Variants in CAMKK2 observed in about 807,000 individuals in gnomAD.
The protein encoded by CAMKK2 is calcium/calmodulin dependent protein kinase kinase 2.
A neutral mutation model predicts 67.2 loss-of-function variants in CAMKK2; 30 were observed. The observed-to-expected ratio is 0.45, with a 90% CI of 0.33 to 0.61. The LOEUF (loss-of-function observed/expected upper bound fraction) is 0.61, where lower values mean the gene tolerates loss of function less well. Among genes scored for constraint, CAMKK2 ranks in the 20% least tolerant of loss-of-function variants. The pLI, the probability that CAMKK2 is intolerant of heterozygous loss-of-function variation, is 0.02. For synonymous variants in CAMKK2, 322 were observed against 326.2 expected, an observed-to-expected ratio of 0.99 and a Z score of 0.14; for missense variants, 643 against 802.0, an observed-to-expected ratio of 0.80 and a Z score of 2.39.
chr12:121,261,907 C>T (rs2136310991), intron 6 of CAMKK2, among the ~76,000 whole-genome samples: 1 of 152,362 alleles, frequency 6.6e-6, no homozygotes, highest in Non-Finnish European at 1.5e-5. Context: ...AGCACGGTGA[C>T]AAGTCCTTGT....
At chr12:121,248,807 CA>C in intron 13 of CAMKK2, 73 bp from the exon 14 acceptor site, 1 of 1,576,448 alleles carries the variant, frequency 6.3e-7, no homozygotes, top group Non-Finnish European at 8.7e-7. Flanking sequence ...CGAGCGGAGC[CA>C]CAAGGGCATG....
chr12:121,248,505 C>A, intron 14 of CAMKK2, 101 bp downstream of exon 14: 2 of 1,408,448 alleles, frequency 1.4e-6, no homozygotes, highest in South Asian at 1.2e-5. Flanking sequence ...GGCCCCCGGA[C>A]ATCTGACTCC....
chr12:121,250,704 T>C lies in CAMKK2; in HGVS notation c.1162-670A>G, dbSNP rs1452467050. 2.0e-5 allele frequency among the ~76,000 whole-genome samples: 3 copies of C among 152,182 alleles called. No homozygotes were observed. The East Asian group carries it at 5.8e-4, about 29-fold the overall frequency. ...TGTTTAACCCCTCCCACGGGAACGTTAGCTCCAAGAAGGCAGGGATTTCTG... is the reference window on the plus strand; with the variant it reads ...TGTTTAACCCCTCCCACGGGAACGTCAGCTCCAAGAAGGCAGGGATTTCTG... On this transcript the variant is annotated intron_variant, in intron 11 of 16. Transcript: ENST00000404169.
chr12:121,254,391 G>C (rs1891431203), intron 9 of CAMKK2, among the ~76,000 whole-genome samples: 1 of 152,128 alleles, frequency 6.6e-6, no homozygotes, highest in Admixed American at 6.5e-5. Flanking sequence ...CCAGGAGGCA[G>C]AGGTTGCAGT....
At chr12:121,283,210 C>A (rs541384155) in intron 1 of CAMKK2, among the ~76,000 whole-genome samples, 3 of 152,282 alleles carry the variant, frequency 2.0e-5, no homozygotes, top group Non-Finnish European at 2.9e-5. Context: ...TAGCGGGAGA[C>A]CTGAGAGGCT....
chr12:121,261,504 G>A (rs1191999960), intron 6 of CAMKK2, among the ~76,000 whole-genome samples: 3 of 152,212 alleles, frequency 2.0e-5, no homozygotes, highest in Admixed American at 6.5e-5. Flanking sequence ...CATCACGTCC[G>A]CTTTCTCCAG....
At position 121,274,122 on chromosome 12, in the gene CAMKK2, C is replaced by A; in HGVS notation, c.405G>T (p.Gln135His). The A allele has an allele frequency of 6.4e-7, 1 of 1,568,070 alleles. No individual in the cohort carries two copies. Among genetic ancestry groups the A allele is most frequent in the Non-Finnish European group, 8.7e-7 (1 of 1,155,412 alleles). ...SLPYSPVSSP[Q>H]SSPRLPRRPT... ...GCCGCCGGGGCAGCCGAGGCGAGGACTGCGGGGAGCTGACGGGTGAGTAGG... is the reference window on the plus strand; with the variant it reads ...GCCGCCGGGGCAGCCGAGGCGAGGAATGCGGGGAGCTGACGGGTGAGTAGG... The change falls in exon 2 of 17, where the codon CAG becomes CAT. Residue 135 changes from glutamine (Q) to histidine (H), a missense_variant. By Grantham distance (24) the Gln-to-His change is conservative. Transcript: ENST00000404169.
In CAMKK2 at chr12:121,245,274, C is replaced by G; in HGVS notation, c.1453-34G>C. 2 of 1,410,154 alleles carry G rather than the reference C, an allele frequency of 1.4e-6. No homozygotes were observed. The highest frequency in any genetic ancestry group is 2.0e-6 in the Non-Finnish European group (2 of 1,010,796). The allele number at this position is 1,410,154 out of a possible 1,614,324, so 87.4% of individuals were successfully genotyped here. A position where few individuals can be genotyped will look rare whatever the true frequency, so the allele number is the denominator to read the frequency against. ...GGAGAAAAGAGGAGGTGGCAGGCAA[C>G]TGCTTGGCCATGTGGGGGCGATTCT... On this transcript the variant is annotated intron_variant, in intron 14 of 16. Coordinates refer to ENST00000404169, the MANE Select transcript of CAMKK2 (RefSeq NM_001270485.2). The surrounding 1 kb of genome is among the most constrained non-coding windows in gnomAD (Gnocchi z 5.8).
chr12:121,282,678 G>A (rs529671343), intron 1 of CAMKK2, among the ~76,000 whole-genome samples: 1 of 152,236 alleles, frequency 6.6e-6, no homozygotes, highest in South Asian at 2.1e-4. Flanking sequence ...CCTTCAGAAG[G>A]GACGAACCCT....
In CAMKK2 at chr12:121,250,184, G is replaced by A. The variant is rs1344772432; in HGVS notation, c.1162-150C>T. The A allele has an allele frequency of 3.4e-5, 23 of 683,432 alleles. No homozygotes were observed. The East Asian group carries it at 3.6e-4, about 11-fold the overall frequency. 42.3% of individuals were successfully genotyped at this position (683,432 alleles called of 1,614,324 possible). On this transcript the variant is annotated intron_variant, in intron 11 of 16. Coordinates refer to ENST00000404169, the MANE Select transcript of CAMKK2 (RefSeq NM_001270485.2). ...GGGGCAAGCAGTTCCCATTCTCCCC[G>A]AGAATGGCCAAGACACAGGGGTGTG...
intron 2 of CAMKK2, 67 bp downstream of exon 2, chr12:121,273,989 G>A: frequency 8.5e-7 from 1 of 1,174,332 alleles, no homozygotes; most frequent in South Asian, 1.7e-5. Context: ...CTTCCACAGA[G>A]GCCCTGCTGG....
At chr12:121,269,756 A>C in intron 3 of CAMKK2, 175 bp from the exon 4 acceptor site, 1 of 612,714 alleles carries the variant, frequency 1.6e-6, no homozygotes, top group Non-Finnish European at 2.9e-6. Flanking sequence ...ATTTAAAAAC[A>C]GAAAGATCTG....
At chr12:121,292,992 A>G (rs1230965143) in intron 1 of CAMKK2, among the ~76,000 whole-genome samples, 1 of 151,590 alleles carries the variant, frequency 6.6e-6, no homozygotes, top group Non-Finnish European at 1.5e-5. Flanking sequence ...AAAGAAAAAA[A>G]AAGCTGGGCG....
chr12:121,255,559 T>C lies in CAMKK2; in HGVS notation c.898A>G (p.Ile300Val). ...RFYFQDLIKGIEYLHYQKIIH... is the reference protein window; with the variant it reads ...RFYFQDLIKGVEYLHYQKIIH... ...CGCAGGCCCTGCTCACAGTACTCGA[T>C]GCCTTTGATCAGATCCTGGAAGTAG... is the stretch of plus-strand genomic sequence containing the variant. The change falls in exon 9 of 17, where the codon ATC (isoleucine) becomes GTC (valine). Residue 300 changes from isoleucine (I) to valine (V), a missense_variant. Around this residue, in one of 3 missense-constraint regions of CAMKK2, gnomAD observed 483 missense variants for 625.8 expected, o/e 0.77. Transcript: ENST00000404169. 3 of 1,610,932 alleles carry C rather than the reference T, an allele frequency of 1.9e-6. No homozygotes were observed. The highest frequency in any genetic ancestry group is 3.3e-4 in the Middle Eastern group (2 of 6,056).
At chr12:121,254,787 A>C (rs2136233982) in intron 9 of CAMKK2, among the ~76,000 whole-genome samples, 1 of 152,300 alleles carries the variant, frequency 6.6e-6, no homozygotes, top group African/African-American at 2.4e-5. Context: ...GGCTCTCTGC[A>C]GCTGGCCCTG....
At chr12:121,272,379 A>G (rs915030353) in intron 2 of CAMKK2, among the ~76,000 whole-genome samples, 1 of 152,200 alleles carries the variant, frequency 6.6e-6, no homozygotes, top group Non-Finnish European at 1.5e-5. Context: ...CACAACATGG[A>G]TAAATCTCAA....
In CAMKK2 at chr12:121,260,650, A is replaced by G. The variant is rs562006709; in HGVS notation, c.760-295T>C. On this transcript the variant is annotated intron_variant, in intron 6 of 16. Transcript: ENST00000404169. Reference sequence around the variant, plus strand: ...TCCCCTGGAAATATCTCATGCTTGAATAAGAATCCAGCCTATCTCCGGCTG... The same window carrying G: ...TCCCCTGGAAATATCTCATGCTTGAGTAAGAATCCAGCCTATCTCCGGCTG... 32 of 527,288 alleles carry G rather than the reference A, an allele frequency of 6.1e-5. No individual in the cohort carries two copies. The East Asian group carries it at 9.8e-4, about 16-fold the overall frequency. The allele number at this position is 527,288 out of a possible 1,614,324, so 32.7% of individuals were successfully genotyped here.
chr12:121,274,719 G>T, intron 1 of CAMKK2, 134 bp from the exon 2 acceptor site: 2 of 585,202 alleles, frequency 3.4e-6, no homozygotes, highest in Non-Finnish European at 6.1e-6. Context: ...TGCAAAACAT[G>T]GTGTGATCTG....
chr12:121,243,806 A>T (rs2074356127), intron 16 of CAMKK2: 3 of 1,093,060 alleles, frequency 2.7e-6, no homozygotes, highest in Admixed American at 7.8e-5. Flanking sequence ...ATTACATGGT[A>T]TGTGAATTGT....
Sources: gnomAD v4.1 joint callset for allele counts (sites outside exome capture counted in the v4.1 genomes callset) on GRCh38, gnomAD v4.1.1 for gene constraint, gnomAD v4.1.1 regional missense constraint, Gnocchi (gnomAD v3.1) non-coding constraint, MANE v1.5 for transcripts, NCBI Gene and HGNC (gene_info 2026-07-23, HGNC 2026-07-21) for gene names.